TANK: variants seen among roughly 807,000 people sequenced by gnomAD.
The protein encoded by TANK is TRAF family member associated NFKB activator, also known as TRAF family member-associated NF-kappa-B activator.
Under a neutral mutation model 43.6 loss-of-function variants are expected in TANK, and 15 were observed. The observed-to-expected ratio is 0.34, with a 90% CI of 0.23 to 0.53. The LOEUF is 0.53. Ranked by LOEUF, TANK falls within the 20% of genes least tolerant of loss-of-function variation. The pLI is 0.94. For synonymous variants in TANK, 162 were observed against 178.2 expected, an observed-to-expected ratio of 0.91 and a Z score of 0.73; for missense variants, 417 against 498.6, an observed-to-expected ratio of 0.84 and a Z score of 1.56.
intron 1 of TANK, among the ~76,000 whole-genome samples, chr2:161,163,777 C>T (rs969036399): frequency 5.3e-5 from 8 of 152,180 alleles, no homozygotes; most frequent in African/African-American, 1.9e-4. Flanking sequence ...AAGTGAAAAT[C>T]ATTAGCATAG....
intron 2 of TANK, chr2:161,202,835 G>A: frequency 2.1e-6 from 1 of 465,902 alleles, no homozygotes; most frequent in Non-Finnish European, 4.4e-6. Context: ...ACAAACTTGT[G>A]TCTTTTTTCA....
chr2:161,162,121 C>T (rs1033027394), intron 1 of TANK, among the ~76,000 whole-genome samples: 2 of 151,998 alleles, frequency 1.3e-5, no homozygotes, highest in East Asian at 1.9e-4. Flanking sequence ...CTAGAAATAC[C>T]TCCTTAATAT....
intron 4 of TANK, chr2:161,208,247 A>C: frequency 2.0e-6 from 2 of 982,088 alleles, no homozygotes; most frequent in Non-Finnish European, 2.4e-6. Flanking sequence ...AAGGGGAAAG[A>C]GGCCCTTTTA....
chr2:161,231,617 A>T, intron 7 of TANK, 66 bp downstream of exon 7: 1 of 1,388,574 alleles, frequency 7.2e-7, no homozygotes. Flanking sequence ...ACATGCACAG[A>T]TATGCATCTC....
intron 1 of TANK, among the ~76,000 whole-genome samples, chr2:161,140,272 A>G (rs1683705611): frequency 6.6e-6 from 1 of 152,158 alleles, no homozygotes; most frequent in Non-Finnish European, 1.5e-5. Flanking sequence ...TTAAATGCTT[A>G]CAATGTCTTC....
At chr2:161,138,115 T>C (rs1316239470) in intron 1 of TANK, 1 of 219,550 alleles carries the variant, frequency 4.6e-6, no homozygotes, top group Non-Finnish European at 7.7e-6. Flanking sequence ...TACACAGTTA[T>C]AGTAAACTAG....
At chr2:161,184,561 G>C (rs983202583) in intron 2 of TANK, among the ~76,000 whole-genome samples, 1 of 152,060 alleles carries the variant, frequency 6.6e-6, no homozygotes, top group Non-Finnish European at 1.5e-5. Context: ...TCAAAATGAG[G>C]ACATAAATTA....
chr2:161,216,355 C>G, intron 4 of TANK: 1 of 462,114 alleles, frequency 2.2e-6, no homozygotes, highest in South Asian at 1.6e-5. Flanking sequence ...ATTGAACATT[C>G]TCTCCTGCTT....
At chr2:161,162,596 G>A (rs1232874170) in intron 1 of TANK, 1 of 151,936 alleles carries the variant, frequency 6.6e-6, no homozygotes, top group African/African-American at 2.4e-5. Context: ...CCTTTATCTT[G>A]TTTCTTAGTT....
intron 1 of TANK, among the ~76,000 whole-genome samples, chr2:161,154,232 C>T (rs185537814): frequency 6.6e-6 from 1 of 152,158 alleles, no homozygotes; most frequent in Admixed American, 6.5e-5. Flanking sequence ...CTCAACAGAC[C>T]AGGTAAAATA....
At chr2:161,204,318 C>A (rs1686551312) in intron 3 of TANK, among the ~76,000 whole-genome samples, 1 of 152,030 alleles carries the variant, frequency 6.6e-6, no homozygotes, top group Non-Finnish European at 1.5e-5. Context: ...CCATAATAAG[C>A]ATGGAGTCAT....
At chr2:161,167,709 G>A (rs528360955) in intron 1 of TANK, among the ~76,000 whole-genome samples, 13 of 152,094 alleles carry the variant, frequency 8.5e-5, no homozygotes, top group East Asian at 5.8e-4. Flanking sequence ...TGCAAGCTCC[G>A]CTTCCTGGGT....
At chr2:161,176,078 T>C (rs1377063258) in intron 1 of TANK, among the ~76,000 whole-genome samples, 2 of 152,192 alleles carry the variant, frequency 1.3e-5, no homozygotes, top group Non-Finnish European at 2.9e-5. Context: ...GAGAATGAGC[T>C]TAACCATGAG....
intron 1 of TANK, among the ~76,000 whole-genome samples, chr2:161,153,762 C>T (rs1206369240): frequency 1.3e-5 from 2 of 151,748 alleles, no homozygotes; most frequent in Admixed American, 6.6e-5. Context: ...TCTATATTAC[C>T]CAATATTTAC....
intron 7 of TANK, among the ~76,000 whole-genome samples, chr2:161,234,833 A>T (rs1212109898): frequency 6.6e-6 from 1 of 152,238 alleles, no homozygotes; most frequent in Non-Finnish European, 1.5e-5. Context: ...TTAAAAATCA[A>T]AATAATGCTG....
In TANK at chr2:161,235,350, G is replaced by T; in HGVS notation, c.1110G>T (p.Trp370Cys). 6.3e-7 allele frequency: 1 copy of T among 1,588,624 alleles called. No homozygotes were observed. The highest frequency in any genetic ancestry group is 2.3e-5 in the East Asian group (1 of 43,598). Residue 370 changes from tryptophan (W) to cysteine (C), a missense_variant, in exon 8 of 8, where the codon TGG becomes TGT. By Grantham distance (215) the Trp-to-Cys change is radical. Coordinates refer to ENST00000392749, the MANE Select transcript of TANK (RefSeq NM_001199135.3). ...TTGTTTGTTTCCTGCAGCCCATTTG[G>T]AAGCCCTTTCCTAATCAAGACAGTG... ...KAIRGPQQPI[W>C]KPFPNQDSDS... is the part of the protein sequence containing the mutation.
intron 2 of TANK, among the ~76,000 whole-genome samples, chr2:161,187,355 A>G (rs1387138118): frequency 4.6e-5 from 7 of 152,130 alleles, no homozygotes; most frequent in Non-Finnish European, 7.4e-5. Flanking sequence ...GTTGAGCCCT[A>G]GAAGTGGAGG....
In TANK at chr2:161,144,506, G is replaced by A. The variant is rs368579992; in HGVS notation, c.-50+7443G>A. Reference sequence around the variant, plus strand: ...CCCAGAGATTCTGGTACATCATCTCGTTTTCATTAGTTTCAAAGAACTTCT... The same window carrying A: ...CCCAGAGATTCTGGTACATCATCTCATTTTCATTAGTTTCAAAGAACTTCT... On this transcript the variant is annotated intron_variant, in intron 1 of 7. Transcript: ENST00000259075. Among the ~76,000 whole-genome samples the A allele has an allele frequency of 1.4e-4, 21 of 151,920 alleles. No individual in the cohort carries two copies. In the South Asian group the frequency reaches 2.5e-3, roughly 18 times the overall value.
At chr2:161,190,685 T>C (rs1469651423) in intron 2 of TANK, among the ~76,000 whole-genome samples, 1 of 152,170 alleles carries the variant, frequency 6.6e-6, no homozygotes, top group East Asian at 1.9e-4. Flanking sequence ...TTATGCTAAG[T>C]TAAATCAGTC....
Sources: gnomAD v4.1 joint callset for allele counts (sites outside exome capture counted in the v4.1 genomes callset) on GRCh38, gnomAD v4.1.1 for gene constraint, MANE v1.5 for transcripts, NCBI Gene and HGNC (gene_info 2026-07-23, HGNC 2026-07-21) for gene names.